The following TMEM245 variants were observed in gnomAD, a reference collection of about 807,000 sequenced individuals.
TMEM245 encodes the protein transmembrane protein 245, also known as protein CG-2.
A neutral mutation model predicts 101.2 loss-of-function variants in TMEM245; 69 were observed. The observed-to-expected ratio is 0.68, with a 90% CI of 0.56 to 0.83. The LOEUF is 0.83. TMEM245 is among the 40% of genes least tolerant of loss of function. The probability of loss-of-function intolerance (pLI) is 0.00; values close to 1 mark genes in which losing one functional copy is unlikely to be tolerated. For missense variants in TMEM245, 1,075 were observed against 1,092.8 expected, an observed-to-expected ratio of 0.98 and a Z score of 0.23; for synonymous variants, 537 against 449.8, an observed-to-expected ratio of 1.19 and a Z score of -2.45.
intron 1 of TMEM245, among the ~76,000 whole-genome samples, chr9:109,114,279 G>C (rs1481192936): frequency 6.6e-6 from 1 of 152,202 alleles, no homozygotes; most frequent in East Asian, 1.9e-4. Context: ...AGAAAACTAA[G>C]CACTAGAAAC....
chr9:109,062,260 G>C (rs775486909), intron 10 of TMEM245, among the ~76,000 whole-genome samples: 3 of 152,064 alleles, frequency 2.0e-5, no homozygotes, highest in Non-Finnish European at 2.9e-5. Flanking sequence ...GCCTCCCAAA[G>C]TGCTGGGATT....
At chr9:109,071,878 C>T (rs1829345885) in intron 9 of TMEM245, among the ~76,000 whole-genome samples, 1 of 152,098 alleles carries the variant, frequency 6.6e-6, no homozygotes, top group Non-Finnish European at 1.5e-5. Context: ...CCAAATTACA[C>T]AGAGATCCTA....
intron 12 of TMEM245, among the ~76,000 whole-genome samples, chr9:109,052,364 G>C (rs992265009): frequency 6.6e-6 from 1 of 152,240 alleles, no homozygotes; most frequent in East Asian, 1.9e-4. Flanking sequence ...CACAAAGCTA[G>C]TAAGTGGAAC....
chr9:109,026,870 C>CCT (rs572790504), intron 17 of TMEM245, among the ~76,000 whole-genome samples: 11 of 151,612 alleles, frequency 7.3e-5, no homozygotes, highest in East Asian at 5.8e-4. Flanking sequence ...TCTCTTGCTT[C>CCT]CTCTCTCTCT....
chr9:109,052,100 A>G (rs1430034036), intron 12 of TMEM245, among the ~76,000 whole-genome samples: 2 of 152,058 alleles, frequency 1.3e-5, no homozygotes, highest in Non-Finnish European at 2.9e-5. Context: ...TTTATAGCAT[A>G]CCTGCACATT....
chr9:109,018,850 A>C lies in TMEM245; in HGVS notation c.*1610T>G, dbSNP rs1005383697. On this transcript the variant is annotated 3_prime_UTR_variant, in exon 18 of 18. Transcript: ENST00000374586. ...TCCTGGACTCAGGTGATCCTCATAC[A>C]TCAGCCTCCTGAGTAGCTCAGACTA... 1 of 148,226 alleles carries C rather than the reference A, an allele frequency of 6.7e-6. No individual in the cohort carries two copies. Among genetic ancestry groups the C allele is most frequent in the Non-Finnish European group, 1.5e-5 (1 of 67,606 alleles). The allele number at this position is 148,226 out of a possible 1,614,324, so 9.2% of individuals were successfully genotyped here. A position where few individuals can be genotyped will look rare whatever the true frequency, so the allele number is the denominator to read the frequency against.
chr9:109,030,725 C>A (rs1008185520), intron 17 of TMEM245, among the ~76,000 whole-genome samples: 2 of 152,148 alleles, frequency 1.3e-5, no homozygotes, highest in Admixed American at 6.6e-5. Context: ...CACCGAAGCA[C>A]CTCTCCTTTT....
chr9:109,086,061 C>G, intron 6 of TMEM245, 41 bp from the exon 7 acceptor site: 3 of 1,600,684 alleles, frequency 1.9e-6, no homozygotes, highest in Non-Finnish European at 2.6e-6. Context: ...AAGATAAGAA[C>G]AGTGGAGTAT....
At chr9:109,089,747 C>G (rs528179142) in intron 5 of TMEM245, among the ~76,000 whole-genome samples, 1 of 152,012 alleles carries the variant, frequency 6.6e-6, no homozygotes, top group Admixed American at 6.6e-5. Context: ...TAGAGGTGGG[C>G]CTTAAATTAC....
chr9:109,090,035 C>T (rs1023690120), intron 5 of TMEM245, among the ~76,000 whole-genome samples: 15 of 151,942 alleles, frequency 9.9e-5, no homozygotes, highest in Non-Finnish European at 8.8e-5. Context: ...CGGAGGTGAG[C>T]GGATGACTTA....
chr9:109,064,659 G>C, intron 9 of TMEM245, 92 bp from the exon 10 acceptor site: 1 of 1,020,438 alleles, frequency 9.8e-7, no homozygotes, highest in South Asian at 1.4e-5. Context: ...ATCCATAACA[G>C]ACAGACTGTT....
Position 109,020,323 on chromosome 9 carries a change from A to G in TMEM245, c.*137T>C. ...GTTCTCTCTTGTCCAGGCATTCTGTATGTAAGGCCAGGAGGCTTCTGCTTC... is the reference window on the plus strand; with the variant it reads ...GTTCTCTCTTGTCCAGGCATTCTGTGTGTAAGGCCAGGAGGCTTCTGCTTC... On this transcript the variant is annotated 3_prime_UTR_variant, in exon 18 of 18. Coordinates refer to ENST00000374586, the MANE Select transcript of TMEM245 (RefSeq NM_032012.4). 1.2e-6 allele frequency: 1 copy of G among 834,690 alleles called. No individual in the cohort carries two copies. The highest frequency in any genetic ancestry group is 2.1e-6 in the Non-Finnish European group (1 of 472,158). 51.7% of individuals were successfully genotyped at this position (834,690 alleles called of 1,614,324 possible). A position where few individuals can be genotyped will look rare whatever the true frequency, so the allele number is the denominator to read the frequency against.
intron 11 of TMEM245, among the ~76,000 whole-genome samples, chr9:109,058,912 T>A (rs1275238983): frequency 6.6e-6 from 1 of 152,082 alleles, no homozygotes; most frequent in African/African-American, 2.4e-5. Context: ...AGACAACAAA[T>A]ATGCCAATTT....
chr9:109,018,176 T>C lies in TMEM245; in HGVS notation c.*2284A>G, dbSNP rs570103853. On this transcript the variant is annotated 3_prime_UTR_variant, in exon 18 of 18. Coordinates refer to ENST00000374586, the MANE Select transcript of TMEM245 (RefSeq NM_032012.4). ...CAGCTAAAATCACTTTGTATATGTA[T>C]AGTAACTCATTGTATATATTTGTCT... is the stretch of plus-strand genomic sequence containing the variant. The C allele has an allele frequency of 3.3e-5, 5 of 152,374 alleles. No homozygotes were observed. Among genetic ancestry groups the C allele is most frequent in the Admixed American group, 2.6e-4 (4 of 15,304 alleles). 9.4% of individuals were successfully genotyped at this position (152,374 alleles called of 1,614,324 possible).
Position 109,077,589 on chromosome 9 carries a change from T to C in TMEM245, c.1449+3250A>G, listed in dbSNP as rs567602714. On this transcript the variant is annotated intron_variant, in intron 8 of 17. Coordinates refer to ENST00000374586, the MANE Select transcript of TMEM245 (RefSeq NM_032012.4). ...AATTCTGAATGTTGGATTTCATGTA[T>C]TTTAGAGCTCAGCTGTTGGGAGCAT... Among the ~76,000 whole-genome samples the C allele has an allele frequency of 3.3e-5, 5 of 152,352 alleles. No homozygotes were observed. The South Asian group carries it at 6.2e-4, about 19-fold the overall frequency.
chr9:109,079,007 A>T (rs1202763768), intron 8 of TMEM245, among the ~76,000 whole-genome samples: 1 of 152,168 alleles, frequency 6.6e-6, no homozygotes, highest in Non-Finnish European at 1.5e-5. Flanking sequence ...TTAAACCTAA[A>T]CACATCTGTG....
At chr9:109,091,281 G>A (rs1002785278) in intron 4 of TMEM245, 126 bp from the exon 5 acceptor site, 16 of 812,454 alleles carry the variant, frequency 2.0e-5, no homozygotes, top group African/African-American at 3.5e-5. Flanking sequence ...TGATTACATC[G>A]GGTTAAAAAA....
intron 9 of TMEM245, among the ~76,000 whole-genome samples, chr9:109,066,649 T>C (rs1829178367): frequency 6.6e-6 from 1 of 151,906 alleles, no homozygotes; most frequent in Non-Finnish European, 1.5e-5. Context: ...TTGAAGGGAC[T>C]GCTAAATATT....
intron 9 of TMEM245, 136 bp downstream of exon 9, chr9:109,073,220 G>T: frequency 1.5e-6 from 1 of 675,486 alleles, no homozygotes; most frequent in Non-Finnish European, 2.6e-6. Flanking sequence ...CTTCAAAAAT[G>T]ACAATATTTA....
Sources: gnomAD v4.1 joint callset for allele counts (sites outside exome capture counted in the v4.1 genomes callset) on GRCh38, gnomAD v4.1.1 for gene constraint, MANE v1.5 for transcripts, NCBI Gene and HGNC (gene_info 2026-07-23, HGNC 2026-07-21) for gene names.